Variants in CCDC141 observed in about 807,000 individuals in gnomAD.
CCDC141 encodes the protein coiled-coil domain-containing protein 141.
Under a neutral mutation model 181.0 loss-of-function variants are expected in CCDC141, and 168 were observed. The ratio of observed to expected loss-of-function variants is 0.93; its 90% CI spans 0.82 to 1.05. The LOEUF (loss-of-function observed/expected upper bound fraction) is 1.05, where lower values mean the gene tolerates loss of function less well. Ranked by LOEUF, CCDC141 falls within the 50% of genes least tolerant of loss-of-function variation. The pLI is 0.00. For synonymous variants in CCDC141, 666 were observed against 642.3 expected (o/e 1.04, Z -0.56); for missense variants, 1,902 against 1,788.5 (o/e 1.06, Z -1.14).
At position 179,030,126 on chromosome 2, in the gene CCDC141, C is replaced by T. The variant is rs188569506; in HGVS notation, c.225+17158G>A. 8.0e-4 allele frequency among the ~76,000 whole-genome samples: 121 copies of T among 152,112 alleles called. 1 individual carries two copies. The highest frequency in any genetic ancestry group is 3.4e-3 in the Middle Eastern group (1 of 294). On this transcript the variant is annotated intron_variant, in intron 2 of 23. Transcript: ENST00000443758. ...AATAACATATATATCTCCCCCTTTG[C>T]TTGTTATTCAGAACTTAGGCTGTCA...
rs760683825 is a variant in CCDC141, at chr2:178,869,281, T to G, written c.2230A>C (p.Ile744Leu). ...GTTAACTCCTCTGATTCTTTCATAA[T>G]GTACTGAACCTCATCATTCAATTGC... ...FQQLNDEVQYIMKESEELTGR... is the reference protein window; with the variant it reads ...FQQLNDEVQYLMKESEELTGR... The change falls in exon 15 of 24, where the codon ATT becomes CTT. Residue 744 changes from isoleucine (I) to leucine (L), a missense_variant. Transcript: ENST00000443758. 3 of 1,603,704 alleles carry G rather than the reference T, an allele frequency of 1.9e-6. No individual in the cohort carries two copies. Among genetic ancestry groups the G allele is most frequent in the Non-Finnish European group, 2.5e-6 (3 of 1,177,342 alleles).
chr2:179,031,671 A>T (rs937241006), intron 2 of CCDC141, among the ~76,000 whole-genome samples: 7 of 152,148 alleles, frequency 4.6e-5, no homozygotes, highest in Non-Finnish European at 1.0e-4. Flanking sequence ...TTACATATGC[A>T]GCTGACATTT....
intron 4 of CCDC141, among the ~76,000 whole-genome samples, chr2:178,974,607 C>T (rs1691041904): frequency 6.6e-6 from 1 of 152,034 alleles, no homozygotes; most frequent in Admixed American, 6.6e-5. Context: ...TTTTTAACTG[C>T]AATGGTGAAA....
chr2:178,926,892 T>C (rs375237054), intron 6 of CCDC141, among the ~76,000 whole-genome samples: 2 of 152,232 alleles, frequency 1.3e-5, no homozygotes, highest in East Asian at 3.8e-4. Flanking sequence ...CATCACTATG[T>C]ACCCCATAAA....
intron 2 of CCDC141, among the ~76,000 whole-genome samples, chr2:179,041,578 T>G (rs1012762734): frequency 7.0e-6 from 1 of 142,332 alleles, no homozygotes; most frequent in African/African-American, 2.7e-5. Context: ...ATACTAACCT[T>G]AAATGTAAAT....
At chr2:178,881,917 A>T (rs6744791) in intron 11 of CCDC141, among the ~76,000 whole-genome samples, 19,777 of 64,870 alleles carry the variant, frequency 0.3, 1,772 homozygotes, top group East Asian at 0.59. Flanking sequence ...TCTCTCTCTC[A>T]CACACACACA....
At chr2:178,905,134 A>G (rs1291857096) in intron 8 of CCDC141, among the ~76,000 whole-genome samples, 195 bp downstream of exon 8, 1 of 152,198 alleles carries the variant, frequency 6.6e-6, no homozygotes, top group Non-Finnish European at 1.5e-5. Context: ...GGCTCAGAAT[A>G]TGGCCTCACT....
chr2:178,863,191 C>T (rs1685696748), intron 17 of CCDC141, among the ~76,000 whole-genome samples: 1 of 152,182 alleles, frequency 6.6e-6, no homozygotes, highest in South Asian at 2.1e-4. Context: ...CTCTGTTGTC[C>T]TGTAGCATAT....
At chr2:179,000,399 A>G (rs2041935577) in intron 2 of CCDC141, among the ~76,000 whole-genome samples, 1 of 152,180 alleles carries the variant, frequency 6.6e-6, no homozygotes. Flanking sequence ...ACAGAGTAAT[A>G]TGATTCTAAA....
intron 22 of CCDC141, among the ~76,000 whole-genome samples, chr2:178,843,502 T>C (rs1684814107): frequency 6.6e-6 from 1 of 152,196 alleles, no homozygotes; most frequent in African/African-American, 2.4e-5. Context: ...CCATCACTAA[T>C]CTGTTAGCAG....
At chr2:179,048,394 T>C (rs1400161798) in intron 1 of CCDC141, among the ~76,000 whole-genome samples, 1 of 152,162 alleles carries the variant, frequency 6.6e-6, no homozygotes, top group Non-Finnish European at 1.5e-5. Context: ...GGAACATTCT[T>C]AGAAACACAA....
intron 6 of CCDC141, among the ~76,000 whole-genome samples, chr2:178,934,256 A>G (rs1174826205): frequency 6.6e-6 from 1 of 152,154 alleles, no homozygotes; most frequent in Non-Finnish European, 1.5e-5. Context: ...GTTCTATTAT[A>G]CGAACATTAT....
At chr2:178,993,477 G>A (rs574827955) in intron 2 of CCDC141, among the ~76,000 whole-genome samples, 1 of 152,296 alleles carries the variant, frequency 6.6e-6, no homozygotes, top group South Asian at 2.1e-4. Context: ...CATGAGAACA[G>A]CACAGGGAAG....
At chr2:178,853,668 C>T in intron 19 of CCDC141, 44 bp from the exon 20 acceptor site, 1 of 1,512,354 alleles carries the variant, frequency 6.6e-7, no homozygotes, top group Non-Finnish European at 9.0e-7. Flanking sequence ...AAATACCATC[C>T]TTCTAAAGTT....
At position 178,893,813 on chromosome 2, in the gene CCDC141, A is replaced by G. The variant is rs566592902; in HGVS notation, c.1266-5145T>C. ...TTCTCTCTCTCTCACACACACACAC[A>G]CACACACACGCACACACACACACAC... On this transcript the variant is annotated intron_variant, in intron 8 of 23. Coordinates refer to ENST00000443758, the MANE Select transcript of CCDC141 (RefSeq NM_173648.4). 4.5e-3 allele frequency among the ~76,000 whole-genome samples: 624 copies of G among 139,000 alleles called. 8 individuals are homozygous for G. Among genetic ancestry groups the G allele is most frequent in the African/African-American group, 0.017 (600 of 36,252 alleles). 91.2% of individuals were successfully genotyped at this position (139,000 alleles called of 152,430 possible). A position where few individuals can be genotyped will look rare whatever the true frequency, so the allele number is the denominator to read the frequency against.
At chr2:179,037,396 G>A (rs567090550) in intron 2 of CCDC141, among the ~76,000 whole-genome samples, 1 of 152,308 alleles carries the variant, frequency 6.6e-6, no homozygotes, top group African/African-American at 2.4e-5. Flanking sequence ...TATGACATAG[G>A]TAATGTGAAA....
At chr2:178,981,349 T>C (rs1329818627) in intron 2 of CCDC141, among the ~76,000 whole-genome samples, 2 of 151,282 alleles carry the variant, frequency 1.3e-5, no homozygotes, top group Non-Finnish European at 2.9e-5. Flanking sequence ...TCCTGGGCCA[T>C]AAAACATACC....
chr2:178,834,164 A>G lies in CCDC141; in HGVS notation c.*9T>C, dbSNP rs1684374790. ...ATGAGAATGATGTCCATTGGTGCCA[A>G]CACCACAGTTATTGTGTGAGGAGCC... is the stretch of plus-strand genomic sequence containing the variant. On this transcript the variant is annotated 3_prime_UTR_variant, in exon 24 of 24. Coordinates refer to ENST00000443758, the MANE Select transcript of CCDC141 (RefSeq NM_173648.4). The G allele has an allele frequency of 1.3e-6, 2 of 1,532,818 alleles. No individual in the cohort carries two copies. The highest frequency in any genetic ancestry group is 2.7e-5 in the African/African-American group (2 of 73,000). The allele number at this position is 1,532,818 out of a possible 1,614,324, so 95.0% of individuals were successfully genotyped here.
intron 2 of CCDC141, among the ~76,000 whole-genome samples, chr2:178,993,399 C>T (rs1459270408): frequency 1.3e-5 from 2 of 152,130 alleles, no homozygotes; most frequent in Non-Finnish European, 2.9e-5. Flanking sequence ...TAGTGCCAGG[C>T]AAAGAGGGCT....
Sources: gnomAD v4.1 joint callset for allele counts (sites outside exome capture counted in the v4.1 genomes callset) on GRCh38, gnomAD v4.1.1 for gene constraint, MANE v1.5 for transcripts, NCBI Gene and HGNC (gene_info 2026-07-23, HGNC 2026-07-21) for gene names.